COL11A1: variants seen among roughly 807,000 people sequenced by gnomAD.
COL11A1 encodes the protein collagen alpha-1(XI) chain.
In COL11A1, 74 loss-of-function variants were observed where a neutral mutation model predicts 265.2. The ratio of observed to expected loss-of-function variants is 0.28; its 90% CI spans 0.23 to 0.34. The LOEUF is 0.34. Ranked by LOEUF, COL11A1 falls within the 10% of genes least tolerant of loss-of-function variation. The pLI is 1.00. For missense variants in COL11A1, 2,165 were observed against 2,263.6 expected, an observed-to-expected ratio of 0.96 and a Z score of 0.88; for synonymous variants, 816 against 727.6, an observed-to-expected ratio of 1.12 and a Z score of -1.96.
chr1:102,992,513 T>C (rs1377092171), intron 28 of COL11A1, among the ~76,000 whole-genome samples: 3 of 151,980 alleles, frequency 2.0e-5, no homozygotes, highest in African/African-American at 7.2e-5. Flanking sequence ...AGATAAATGA[T>C]CAATTATCTT....
At chr1:102,979,036 A>G in intron 33 of COL11A1, 24 bp downstream of exon 33, 1 of 1,612,854 alleles carries the variant, frequency 6.2e-7, no homozygotes, top group South Asian at 1.1e-5. Flanking sequence ...AAAAATGTAC[A>G]TCATTTTAAA....
At position 103,023,009 on chromosome 1, in the gene COL11A1, AT is replaced by A. The variant is rs768258098; in HGVS notation, c.991-14del. On this transcript the variant is annotated splice_polypyrimidine_tract_variant and intron_variant, in intron 7 of 66. Transcript: ENST00000370096. ...CAACTGGATTTGGCTATTAATTTAA[AT>A]TGCAAGGAATTGAGGAACATGAAGT... 2.9e-5 allele frequency: 46 copies of A among 1,608,150 alleles called. 1 individual carries two copies. In the Admixed American group the frequency reaches 7.5e-4, roughly 26 times the overall value.
chr1:102,925,112 C>T (rs1009054524), intron 46 of COL11A1, among the ~76,000 whole-genome samples: 2 of 152,112 alleles, frequency 1.3e-5, no homozygotes, highest in South Asian at 2.1e-4. Context: ...CTAGTACTTT[C>T]GTGACATTAC....
intron 41 of COL11A1, among the ~76,000 whole-genome samples, chr1:102,958,039 A>G (rs936191741): frequency 7.9e-5 from 12 of 152,062 alleles, no homozygotes; most frequent in Admixed American, 7.2e-4. Context: ...ACCACTGAAT[A>G]CTCATCACTC....
At chr1:103,015,969 A>T (rs957992475) in intron 11 of COL11A1, among the ~76,000 whole-genome samples, 4 of 152,070 alleles carry the variant, frequency 2.6e-5, no homozygotes, top group Non-Finnish European at 5.9e-5. Context: ...ATTAAGCTAT[A>T]AATTTTGCTC....
At chr1:102,930,999 CT>C (rs1481423287) in intron 46 of COL11A1, among the ~76,000 whole-genome samples, 1 of 149,234 alleles carries the variant, frequency 6.7e-6, no homozygotes, top group Non-Finnish European at 1.5e-5. Context: ...CTTTATTAGT[CT>C]TGCTAGGGGT....
intron 17 of COL11A1, 75 bp from the exon 18 acceptor site, chr1:103,005,966 T>C: frequency 6.2e-7 from 1 of 1,612,536 alleles, no homozygotes. Flanking sequence ...GCAATTTAAA[T>C]GCGAAATATT....
At position 102,913,655 on chromosome 1, in the gene COL11A1, A is replaced by C; in HGVS notation, c.4014T>G (p.Asp1338Glu). Reference sequence around the variant, plus strand: ...TACTCACCGGTTGACCAGGATCTCCATCTTCACCCTTGTCACCACCAACAC... The same window carrying C: ...TACTCACCGGTTGACCAGGATCTCCCTCTTCACCCTTGTCACCACCAACAC... The part of the protein sequence containing the change: ...QDGVGGDKGE[D>E]GDPGQPGPPG... Residue 1338 changes from aspartate (D) to glutamate (E), a missense_variant, in exon 53 of 67, where the codon GAT becomes GAG. Physicochemically the swap from Asp to Glu is conservative, Grantham distance 45. Coordinates refer to ENST00000370096, the MANE Select transcript of COL11A1 (RefSeq NM_001854.4). The C allele has an allele frequency of 6.2e-7, 1 of 1,613,610 alleles. No homozygotes were observed. The highest frequency in any genetic ancestry group is 8.5e-7 in the Non-Finnish European group (1 of 1,179,684).
At chr1:102,990,486 C>T (rs1205664837) in intron 28 of COL11A1, among the ~76,000 whole-genome samples, 1 of 151,758 alleles carries the variant, frequency 6.6e-6, no homozygotes, top group African/African-American at 2.4e-5. Flanking sequence ...ACTATACACA[C>T]AGAGCAACAA....
chr1:102,970,042 G>A (rs964237406), intron 37 of COL11A1, among the ~76,000 whole-genome samples, 177 bp downstream of exon 37: 5 of 150,218 alleles, frequency 3.3e-5, no homozygotes, highest in Admixed American at 6.6e-5. Context: ...TATATTTCTT[G>A]TATCTATTTT....
At chr1:103,056,799 G>A (rs1456558646) in intron 4 of COL11A1, among the ~76,000 whole-genome samples, 2 of 151,936 alleles carry the variant, frequency 1.3e-5, no homozygotes, top group African/African-American at 4.8e-5. Context: ...TAAAAGTTAT[G>A]TTTACACTAT....
chr1:102,888,354 C>T (rs1651270480), intron 62 of COL11A1, among the ~76,000 whole-genome samples: 1 of 151,968 alleles, frequency 6.6e-6, no homozygotes, highest in African/African-American at 2.4e-5. Flanking sequence ...ATAATAAAAA[C>T]AAGACTATAA....
chr1:102,935,915 T>A (rs369996078), intron 44 of COL11A1, among the ~76,000 whole-genome samples: 27 of 152,260 alleles, frequency 1.8e-4, no homozygotes, highest in African/African-American at 6.3e-4. Flanking sequence ...AGTAAGGCAT[T>A]TTTTGTCCTT....
At chr1:102,959,988 T>A (rs996351049) in intron 41 of COL11A1, among the ~76,000 whole-genome samples, 41 of 152,288 alleles carry the variant, frequency 2.7e-4, no homozygotes, top group African/African-American at 9.6e-4. Flanking sequence ...TGGATTGCAT[T>A]TTACTGAAAT....
Position 102,877,883 on chromosome 1 carries a change from G to A in COL11A1, c.*136C>T, listed in dbSNP as rs1649685362. On this transcript the variant is annotated 3_prime_UTR_variant, in exon 67 of 67. Transcript: ENST00000370096. ...TGATTCTGCCCCCACAAAGGCATCG[G>A]TATTTCCTAAATGGTACCTGTATAT... The A allele has an allele frequency of 1.2e-6, 1 of 820,948 alleles. No individual in the cohort carries two copies. The highest frequency in any genetic ancestry group is 1.7e-5 in the African/African-American group (1 of 58,986). The allele number at this position is 820,948 out of a possible 1,614,324, so 50.9% of individuals were successfully genotyped here.
chr1:102,877,914 G>A lies in COL11A1; in HGVS notation c.*105C>T, dbSNP rs1031820. ...CCTAAATGGTACCTGTATATGCAGC[G>A]TTGTTTTCTATACCATCCTTATTCA... On this transcript the variant is annotated 3_prime_UTR_variant, in exon 67 of 67. Coordinates refer to ENST00000370096, the MANE Select transcript of COL11A1 (RefSeq NM_001854.4). 96,654 of 1,157,586 alleles carry A rather than the reference G, an allele frequency of 0.083. 4,699 individuals carry two copies. The highest frequency in any genetic ancestry group is 0.16 in the Middle Eastern group (772 of 4,824). 71.7% of individuals were successfully genotyped at this position (1,157,586 alleles called of 1,614,324 possible). A position where few individuals can be genotyped will look rare whatever the true frequency, so the allele number is the denominator to read the frequency against.
intron 36 of COL11A1, among the ~76,000 whole-genome samples, chr1:102,974,306 A>G (rs1453957723): frequency 2.0e-5 from 3 of 152,210 alleles, no homozygotes; most frequent in Admixed American, 2.0e-4. Context: ...TGTTGCTCTA[A>G]ACACATTTCA....
At chr1:102,996,077 A>C (rs1557920051) in intron 26 of COL11A1, 35 bp from the exon 27 acceptor site, 1 of 1,596,212 alleles carries the variant, frequency 6.3e-7, no homozygotes, top group Non-Finnish European at 8.6e-7. Flanking sequence ...TACGTGTAAT[A>C]AATTGAAAGT....
chr1:103,001,904 G>A (rs755183468), intron 24 of COL11A1, 21 bp downstream of exon 24: 60 of 1,611,266 alleles, frequency 3.7e-5, no homozygotes, highest in Admixed American at 5.0e-5. Context: ...CAGGCTTTAC[G>A]AGAACAACAG....
Sources: allele counts gnomAD v4.1 joint callset (sites outside exome capture counted in the v4.1 genomes callset), GRCh38; gene constraint gnomAD v4.1.1; transcripts MANE v1.5; gene names NCBI Gene and HGNC (gene_info 2026-07-23, HGNC 2026-07-21).